The following GRM8 variants were observed in gnomAD, a reference collection of about 807,000 sequenced individuals.
GRM8 encodes the protein glutamate metabotropic receptor 8.
Under a neutral mutation model 87.2 loss-of-function variants are expected in GRM8, and 47 were observed. The observed-to-expected ratio is 0.54, with a 90% CI of 0.43 to 0.69. GRM8 has a LOEUF of 0.69. GRM8 is among the 30% of genes least tolerant of loss of function. The pLI, the probability that GRM8 is intolerant of heterozygous loss-of-function variation, is 0.00. For missense variants in GRM8, 1,019 were observed against 1,139.2 expected, an observed-to-expected ratio of 0.89 and a Z score of 1.52; for synonymous variants, 396 against 404.5, an observed-to-expected ratio of 0.98 and a Z score of 0.25.
chr7:126,722,286 A>G (rs961519978), intron 7 of GRM8, among the ~76,000 whole-genome samples: 11 of 152,190 alleles, frequency 7.2e-5, no homozygotes, highest in South Asian at 2.1e-4. Context: ...CACCTAAAGG[A>G]AAGTGAGTTA....
intron 2 of GRM8, among the ~76,000 whole-genome samples, chr7:127,212,410 A>ATT (rs144077638): frequency 0.1 from 10,097 of 97,060 alleles, 938 homozygotes; most frequent in African/African-American, 0.18. Context: ...ACATGGTGTT[A>ATT]TTTTTTTTTT....
At chr7:127,167,832 G>A (rs188277062) in intron 2 of GRM8, among the ~76,000 whole-genome samples, 1 of 152,184 alleles carries the variant, frequency 6.6e-6, no homozygotes, top group Admixed American at 6.5e-5. Context: ...TGGCTTCTAA[G>A]TGTTCAAGTG....
At chr7:126,903,637 A>G (rs1274164952) in intron 5 of GRM8, among the ~76,000 whole-genome samples, 1 of 105,640 alleles carries the variant, frequency 9.5e-6, no homozygotes, top group African/African-American at 3.3e-5. Context: ...GTATATGTGT[A>G]TATATATAGG....
chr7:126,505,698 A>C (rs990303039), intron 9 of GRM8, among the ~76,000 whole-genome samples: 2 of 152,094 alleles, frequency 1.3e-5, no homozygotes, highest in African/African-American at 4.8e-5. Flanking sequence ...AGCTTGTTGA[A>C]GTATAATTGT....
At chr7:127,122,517 G>A (rs915016193) in intron 2 of GRM8, among the ~76,000 whole-genome samples, 9 of 151,358 alleles carry the variant, frequency 5.9e-5, no homozygotes, top group African/African-American at 1.5e-4. Context: ...TCTTAGGCAC[G>A]TCTGTCTTTT....
At chr7:126,531,861 C>T (rs963764102) in intron 9 of GRM8, among the ~76,000 whole-genome samples, 32 of 152,258 alleles carry the variant, frequency 2.1e-4, no homozygotes, top group Non-Finnish European at 2.4e-4. Flanking sequence ...TCATGCAGAA[C>T]CTCCTTGGAA....
chr7:127,091,637 G>A (rs1181317298), intron 3 of GRM8, among the ~76,000 whole-genome samples: 3 of 27,844 alleles, frequency 1.1e-4, no homozygotes, highest in African/African-American at 1.6e-4. Flanking sequence ...ATCATCCCCC[G>A]TCCCACTTAT....
chr7:127,199,888 T>C (rs1426137274), intron 2 of GRM8, among the ~76,000 whole-genome samples: 1 of 152,226 alleles, frequency 6.6e-6, no homozygotes, highest in Non-Finnish European at 1.5e-5. Context: ...TATTATACTA[T>C]TGATTTTTAG....
intron 9 of GRM8, among the ~76,000 whole-genome samples, chr7:126,457,279 T>C (rs980154603): frequency 7.3e-5 from 11 of 151,356 alleles, no homozygotes; most frequent in Non-Finnish European, 1.5e-4. Context: ...TGGAGATATA[T>C]AAAACATGAT....
In GRM8 at chr7:127,061,709, G is replaced by A. The variant is rs538570753; in HGVS notation, c.727+44787C>T. Among the ~76,000 whole-genome samples, 7 of 152,060 alleles carry A rather than the reference G, an allele frequency of 4.6e-5. No individual in the cohort carries two copies. In the South Asian group the frequency reaches 6.2e-4, roughly 14 times the overall value. ...TGTTGACTGATATCTCTCTGCTATC[G>A]TTACTGATGACAGGACTTTATTAAT... On this transcript the variant is annotated intron_variant, in intron 3 of 10. Transcript: ENST00000339582.
At chr7:126,585,943 G>A (rs1217826192) in intron 8 of GRM8, among the ~76,000 whole-genome samples, 3 of 152,096 alleles carry the variant, frequency 2.0e-5, no homozygotes, top group African/African-American at 7.2e-5. Context: ...CATTGTCTCA[G>A]CCCAAAATCT....
intron 7 of GRM8, among the ~76,000 whole-genome samples, chr7:126,723,522 A>G (rs912205659): frequency 6.6e-6 from 1 of 151,200 alleles, no homozygotes; most frequent in African/African-American, 2.4e-5. Context: ...CAATGGCTCA[A>G]GAATTTGTAA....
rs79970590 is a variant in GRM8 at position 126,447,640 on chromosome 7, G to A, written c.2431-1268C>T. Among the ~76,000 whole-genome samples the A allele has an allele frequency of 7.2e-3, 1,097 of 151,930 alleles. 9 individuals carry two copies. Among genetic ancestry groups the A allele is most frequent in the Non-Finnish European group, 0.01 (703 of 67,864 alleles). ...CAAAACAAAACAAAAAAAACCATTC[G>A]CCCTCAAGGGTAAATAACTGAATCA... On this transcript the variant is annotated intron_variant, in intron 9 of 10. Coordinates refer to ENST00000339582, the MANE Select transcript of GRM8 (RefSeq NM_000845.3).
chr7:126,789,889 T>C (rs780851894), intron 6 of GRM8, among the ~76,000 whole-genome samples: 28 of 152,318 alleles, frequency 1.8e-4, no homozygotes, highest in Non-Finnish European at 3.8e-4. Flanking sequence ...ACAAAGACTC[T>C]CTTAATTTTT....
At chr7:126,630,163 A>C (rs1234868350) in intron 7 of GRM8, among the ~76,000 whole-genome samples, 1 of 151,950 alleles carries the variant, frequency 6.6e-6, no homozygotes, top group Non-Finnish European at 1.5e-5. Context: ...CCAAAGATTT[A>C]GAACAAAAAA....
chr7:126,538,859 A>G (rs571007039), intron 8 of GRM8, among the ~76,000 whole-genome samples: 103 of 152,228 alleles, frequency 6.8e-4, no homozygotes, highest in Non-Finnish European at 1.4e-3. Context: ...TCACACATGA[A>G]TGAGTACATG....
intron 3 of GRM8, among the ~76,000 whole-genome samples, chr7:126,989,726 G>C (rs961308526): frequency 1.3e-5 from 2 of 152,210 alleles, no homozygotes; most frequent in Non-Finnish European, 1.5e-5. Context: ...CAGATTGCTT[G>C]AACCCAGATG....
intron 8 of GRM8, among the ~76,000 whole-genome samples, chr7:126,585,892 T>C (rs1796068321): frequency 6.6e-6 from 1 of 152,124 alleles, no homozygotes; most frequent in Admixed American, 6.5e-5. Flanking sequence ...AGTCAAATTG[T>C]CCCTGTTTGT....
chr7:127,140,597 G>A (rs188172636), intron 2 of GRM8, among the ~76,000 whole-genome samples: 2 of 152,212 alleles, frequency 1.3e-5, no homozygotes, highest in African/African-American at 4.8e-5. Flanking sequence ...GGTGGAGTAT[G>A]AGGGGCCCAC....
Sources: allele counts gnomAD v4.1 joint callset (sites outside exome capture counted in the v4.1 genomes callset), GRCh38; gene constraint gnomAD v4.1.1; transcripts MANE v1.5; gene names NCBI Gene and HGNC (gene_info 2026-07-23, HGNC 2026-07-21).